The following OPRM1 variants were observed in gnomAD, a reference collection of about 807,000 sequenced individuals.
The protein encoded by OPRM1 is mu-type opioid receptor.
A neutral mutation model predicts 31.8 loss-of-function variants in OPRM1; 27 were observed. That is an observed-to-expected ratio of 0.85 (90% CI 0.63 to 1.17). OPRM1 has a LOEUF of 1.17. Among genes scored for constraint, OPRM1 ranks in the 50% most tolerant of loss-of-function variants. OPRM1 has a pLI of 0.00. For missense variants in OPRM1, 536 were observed against 511.1 expected (o/e 1.05, Z -0.47); for synonymous variants, 196 against 189.9 (o/e 1.03, Z -0.26).
intron 3 of OPRM1, among the ~76,000 whole-genome samples, chr6:154,172,681 G>A (rs1281157688): frequency 1.3e-5 from 2 of 152,250 alleles, no homozygotes; most frequent in Admixed American, 6.5e-5. Context: ...GGAGCCCACT[G>A]CAGCTCAGCA....
At position 154,206,749 on chromosome 6, in the gene OPRM1, G is replaced by T. The variant is rs11758731; in HGVS notation, c.1165-39944G>T. On this transcript the variant is annotated intron_variant, in intron 3 of 3. Transcript: ENST00000337049. ...CATTTTGAAAGATACTTAGAAGGTG[G>T]GATTGGGGTGGGAGTCAGGGGCAAG... is the stretch of plus-strand genomic sequence containing the variant. 2.1e-3 allele frequency among the ~76,000 whole-genome samples: 319 copies of T among 152,306 alleles called. 4 individuals carry two copies. The highest frequency in any genetic ancestry group is 4.0e-3 in the East Asian group (21 of 5,190).
intron 3 of OPRM1, among the ~76,000 whole-genome samples, chr6:154,197,301 T>C (rs1776696739): frequency 6.6e-6 from 1 of 152,148 alleles, no homozygotes; most frequent in Non-Finnish European, 1.5e-5. Flanking sequence ...AATATGAAAT[T>C]TGATTACTCA....
At chr6:154,039,137 C>G (rs1269718069), upstream of OPRM1, 1 of 1,547,568 alleles carries the variant, frequency 6.5e-7, no homozygotes, top group South Asian at 1.2e-5. Flanking sequence ...CTCCCCAACC[C>G]TTCTCTCCAT....
At chr6:154,077,138 C>T (rs1788033927) in intron 1 of OPRM1, among the ~76,000 whole-genome samples, 1 of 152,126 alleles carries the variant, frequency 6.6e-6, no homozygotes, top group African/African-American at 2.4e-5. Flanking sequence ...ACATGTGCTC[C>T]AAACCCCACC....
intron 3 of OPRM1, chr6:154,107,953 T>TTTTTTTTTATTTTATTTTATTTTA (rs1795846153): frequency 1.9e-6 from 1 of 517,182 alleles, no homozygotes; most frequent in African/African-American, 2.4e-5. Flanking sequence ...AACACTGATT[T>TTTTTTTTTATTTTATTTTATTTTA]TTTTATTTTA....
chr6:154,087,705 C>A lies in OPRM1; in HGVS notation c.291-2121C>A, dbSNP rs561499883. On this transcript the variant is annotated intron_variant, in intron 1 of 3. Transcript: ENST00000330432. ...TGGCCCCGGTCACTAAACGTCTTCACGCCCTGGACTGGTAATACAGCCTAT... is the reference window on the plus strand; with the variant it reads ...TGGCCCCGGTCACTAAACGTCTTCAAGCCCTGGACTGGTAATACAGCCTAT... 9 of 491,738 alleles carry A rather than the reference C, an allele frequency of 1.8e-5. No homozygotes were observed. The East Asian group carries it at 1.1e-3, about 58-fold the overall frequency. The allele number at this position is 491,738 out of a possible 1,614,324, so 30.5% of individuals were successfully genotyped here.
chr6:154,238,988 GA>G lies in OPRM1; in HGVS notation c.1165-7701del, dbSNP rs1780365909. 6.6e-5 allele frequency among the ~76,000 whole-genome samples: 10 copies of G among 151,914 alleles called. No individual in the cohort carries two copies. The South Asian group carries it at 2.1e-3, about 32-fold the overall frequency. ...AAAGTACTATGCACTGTCCACCAGA[GA>G]AAAGAAGGAAGCTGTATCCCCTGAG... is the stretch of plus-strand genomic sequence containing the variant. On this transcript the variant is annotated intron_variant, in intron 3 of 3. Coordinates refer to the OPRM1 transcript ENST00000337049.
rs1297476429 is a variant in OPRM1, at chr6:154,039,543, C to A, written c.-2C>A. On this transcript the variant is annotated 5_prime_UTR_variant, in exon 1 of 4. Transcript: ENST00000330432. ...AGCGGTGCCCGCCCGGCCGTCAGTA[C>A]CATGGACAGCAGCGCTGCCCCCACG... 1.9e-6 allele frequency: 3 copies of A among 1,609,096 alleles called. No homozygotes were observed. Among genetic ancestry groups the A allele is most frequent in the Admixed American group, 1.7e-5 (1 of 59,232 alleles).
chr6:154,043,864 A>G (rs1306429184), intron 1 of OPRM1, among the ~76,000 whole-genome samples: 5 of 152,130 alleles, frequency 3.3e-5, no homozygotes, highest in Admixed American at 6.5e-5. Flanking sequence ...TTTTCCATAT[A>G]GAAACTAATT....
At chr6:154,215,432 C>T (rs766187880) in intron 3 of OPRM1, among the ~76,000 whole-genome samples, 1 of 151,918 alleles carries the variant, frequency 6.6e-6, no homozygotes, top group East Asian at 1.9e-4. Flanking sequence ...GGAGAAACCC[C>T]GTCACTACTT....
At chr6:154,102,735 C>A (rs1382853218) in intron 3 of OPRM1, among the ~76,000 whole-genome samples, 1 of 152,110 alleles carries the variant, frequency 6.6e-6, no homozygotes, top group Non-Finnish European at 1.5e-5. Context: ...AGTCAAGAAC[C>A]ATTGATCTAA....
chr6:154,223,777 A>G (rs1779044590), intron 3 of OPRM1, among the ~76,000 whole-genome samples: 1 of 152,372 alleles, frequency 6.6e-6, no homozygotes, highest in South Asian at 2.1e-4. Flanking sequence ...GAGTCACTCA[A>G]CAAACATTAT....
intron 3 of OPRM1, among the ~76,000 whole-genome samples, chr6:154,239,024 C>G (rs1780367890): frequency 6.6e-6 from 1 of 151,990 alleles, no homozygotes; most frequent in African/African-American, 2.4e-5. Context: ...GTGGGCATTT[C>G]ACTGCTGTGA....
intron 1 of OPRM1, among the ~76,000 whole-genome samples, chr6:154,076,268 C>T (rs958968166): frequency 3.3e-5 from 5 of 152,066 alleles, no homozygotes; most frequent in Non-Finnish European, 7.4e-5. Context: ...CACAGGTAGT[C>T]AAAATGTAAT....
chr6:154,135,045 T>A (rs1049749569), downstream of OPRM1, among the ~76,000 whole-genome samples: 1 of 152,200 alleles, frequency 6.6e-6, no homozygotes, highest in African/African-American at 2.4e-5. Flanking sequence ...CTAAGTCAAA[T>A]CTATAGTCCG....
chr6:154,186,845 C>A lies in OPRM1; in HGVS notation c.1165-59848C>A, dbSNP rs907159720. On this transcript the variant is annotated intron_variant, in intron 3 of 3. Coordinates refer to the OPRM1 transcript ENST00000337049. ...TGCTGGGATTACAGACGTGAGCCACCACGCCCGGCCCAGAGCAGCTCTTTT... is the reference window on the plus strand; with the variant it reads ...TGCTGGGATTACAGACGTGAGCCACAACGCCCGGCCCAGAGCAGCTCTTTT... 1.2e-4 allele frequency among the ~76,000 whole-genome samples: 19 copies of A among 152,218 alleles called. 1 individual carries two copies. The highest frequency in any genetic ancestry group is 4.6e-4 in the African/African-American group (19 of 41,528).
At chr6:154,176,954 G>A (rs1800386469) in intron 3 of OPRM1, among the ~76,000 whole-genome samples, 1 of 151,916 alleles carries the variant, frequency 6.6e-6, no homozygotes, top group Non-Finnish European at 1.5e-5. Context: ...ATAGACCAAT[G>A]GAACAGAACA....
At chr6:154,134,039 G>T (rs145250684), downstream of OPRM1, among the ~76,000 whole-genome samples, 398 of 152,322 alleles carry the variant, frequency 2.6e-3, 1 homozygote, top group African/African-American at 9.1e-3. Flanking sequence ...AAAAACTTTG[G>T]CTGTCATTTA....
chr6:154,204,498 T>G (rs1172835762), intron 3 of OPRM1, among the ~76,000 whole-genome samples: 1 of 152,152 alleles, frequency 6.6e-6, no homozygotes, highest in African/African-American at 2.4e-5. Context: ...CCAGGAAGTA[T>G]CATGTTTGTA....
Sources: gnomAD v4.1 joint callset for allele counts (sites outside exome capture counted in the v4.1 genomes callset) on GRCh38, gnomAD v4.1.1 for gene constraint, MANE v1.5 for transcripts, NCBI Gene and HGNC (gene_info 2026-07-23, HGNC 2026-07-21) for gene names.